Variants in NEDD4L observed in about 807,000 individuals in gnomAD.
The protein encoded by NEDD4L is NEDD4 like E3 ubiquitin protein ligase.
Under a neutral mutation model 148.9 loss-of-function variants are expected in NEDD4L, and 54 were observed. The observed-to-expected ratio is 0.36, with a 90% confidence interval of 0.29 to 0.45. NEDD4L has a LOEUF of 0.45. Among genes scored for constraint, NEDD4L ranks in the 20% least tolerant of loss-of-function variants. NEDD4L has a pLI of 1.00. For missense variants in NEDD4L, 856 were observed against 1,233.8 expected (o/e 0.69, Z 4.59); for synonymous variants, 433 against 440.7 (o/e 0.98, Z 0.22).
At chr18:58,231,011 G>A (rs2045113857) in intron 2 of NEDD4L, among the ~76,000 whole-genome samples, 1 of 152,102 alleles carries the variant, frequency 6.6e-6, no homozygotes, top group Admixed American at 6.5e-5. Flanking sequence ...ACTGTGGGAG[G>A]TGGAGGCAGG....
chr18:58,109,445 C>T (rs1197854528), intron 1 of NEDD4L, among the ~76,000 whole-genome samples: 1 of 152,066 alleles, frequency 6.6e-6, no homozygotes, highest in African/African-American at 2.4e-5. Flanking sequence ...TGGGAGAGGC[C>T]ACATGGCATG....
chr18:58,081,694 T>C (rs1568188548), intron 1 of NEDD4L, among the ~76,000 whole-genome samples: 1 of 152,198 alleles, frequency 6.6e-6, no homozygotes, highest in African/African-American at 2.4e-5. Flanking sequence ...GTTTTGTTTT[T>C]CCACTTTTGT....
At chr18:58,284,563 T>C (rs1322559184) in intron 5 of NEDD4L, among the ~76,000 whole-genome samples, 6 of 126,610 alleles carry the variant, frequency 4.7e-5, no homozygotes, top group African/African-American at 2.0e-4. Flanking sequence ...GGGAGAGTTA[T>C]ACGAATAGAA....
At chr18:58,139,425 T>C (rs1352568866) in intron 1 of NEDD4L, among the ~76,000 whole-genome samples, 4 of 151,992 alleles carry the variant, frequency 2.6e-5, no homozygotes, top group Admixed American at 2.0e-4. Flanking sequence ...ATTGGGCTGA[T>C]ACAATCAAGA....
intron 5 of NEDD4L, among the ~76,000 whole-genome samples, chr18:58,271,292 GA>G (rs900667449): frequency 4.6e-5 from 7 of 150,642 alleles, no homozygotes; most frequent in South Asian, 2.1e-4. Context: ...GAAGAACCCT[GA>G]AAAAAAAATC....
At chr18:58,271,230 GA>G (rs1184476191) in intron 5 of NEDD4L, among the ~76,000 whole-genome samples, 1 of 151,802 alleles carries the variant, frequency 6.6e-6, no homozygotes, top group Non-Finnish European at 1.5e-5. Flanking sequence ...TCTTCATTGG[GA>G]TTATGCCTTT....
At chr18:58,227,634 C>T (rs1401542418) in intron 2 of NEDD4L, among the ~76,000 whole-genome samples, 4 of 152,182 alleles carry the variant, frequency 2.6e-5, no homozygotes, top group African/African-American at 7.2e-5. Flanking sequence ...GGATTAGCCT[C>T]GCGAAGTTCC....
rs763043961 is a variant in NEDD4L at position 58,325,048 on chromosome 18, A to G, written c.566A>G (p.Glu189Gly). Residue 189 changes from glutamate to glycine, a missense_variant, in exon 9 of 31, where the codon GAA becomes GGA. Physicochemically the swap from Glu to Gly is moderately conservative, Grantham distance 98. Around this residue, in one of 4 missense-constraint regions of NEDD4L, gnomAD observed 193 missense variants for 244.2 expected, o/e 0.79. Coordinates refer to ENST00000400345, the MANE Select transcript of NEDD4L (RefSeq NM_001144967.3). The stretch of plus-strand genomic sequence containing the variant: ...GACTCGGCTTCTCAGCACCAAGAGG[A>G]ACTTCCTCCTCCTCCTCTGCCTCCC... The part of the protein sequence containing the change: ...SNDSASQHQE[E>G]LPPPPLPPGW... 1.3e-5 allele frequency: 21 copies of G among 1,613,878 alleles called. No individual in the cohort carries two copies. In the Admixed American group the frequency reaches 2.2e-4, roughly 17 times the overall value.
chr18:58,290,349 G>A (rs546460028), intron 5 of NEDD4L, among the ~76,000 whole-genome samples: 1 of 152,350 alleles, frequency 6.6e-6, no homozygotes, highest in South Asian at 2.1e-4. Context: ...GAACTGGACA[G>A]TCTAAAATAG....
At chr18:58,340,990 G>T in intron 13 of NEDD4L, 48 bp from the exon 14 acceptor site, 1 of 1,568,872 alleles carries the variant, frequency 6.4e-7, no homozygotes, top group South Asian at 1.2e-5. Context: ...AAACTGATCA[G>T]AAAACAAATG....
chr18:58,352,040 T>C (rs1318136790), intron 18 of NEDD4L, among the ~76,000 whole-genome samples: 1 of 152,212 alleles, frequency 6.6e-6, no homozygotes, highest in Non-Finnish European at 1.5e-5. Context: ...GGTTGAGGGC[T>C]TATTATAAAT....
At chr18:58,384,687 C>T (rs552176277) in intron 25 of NEDD4L, among the ~76,000 whole-genome samples, 123 of 152,218 alleles carry the variant, frequency 8.1e-4, no homozygotes, top group Non-Finnish European at 1.2e-3. Context: ...CCTGATACCT[C>T]TGCTCCCCTG....
intron 5 of NEDD4L, among the ~76,000 whole-genome samples, chr18:58,309,895 A>T (rs1601029304): frequency 6.6e-6 from 1 of 152,100 alleles, no homozygotes; most frequent in African/African-American, 2.4e-5. Context: ...CTCTGAGCCC[A>T]CAAAGGAGTG....
In NEDD4L at chr18:58,044,573, G is replaced by T; in HGVS notation, c.-88G>T. ...CGCAGGGTAGGGTGCGGGACCGGGG[G>T]GACCTGGAGGCAGAGGGGAGAACCG... On this transcript the variant is annotated 5_prime_UTR_variant, in exon 1 of 31. Transcript: ENST00000400345. 7.0e-7 allele frequency: 1 copy of T among 1,428,790 alleles called. No individual in the cohort carries two copies. Among genetic ancestry groups the T allele is most frequent in the African/African-American group, 1.5e-5 (1 of 67,776 alleles). The allele number at this position is 1,428,790 out of a possible 1,614,324, so 88.5% of individuals were successfully genotyped here. A position where few individuals can be genotyped will look rare whatever the true frequency, so the allele number is the denominator to read the frequency against.
intron 2 of NEDD4L, among the ~76,000 whole-genome samples, chr18:58,209,953 G>T (rs982242694): frequency 6.6e-6 from 1 of 152,000 alleles, no homozygotes; most frequent in African/African-American, 2.4e-5. Flanking sequence ...GATCACCTGA[G>T]GTCGGGAGTT....
chr18:58,279,058 G>A (rs533752479), intron 5 of NEDD4L, among the ~76,000 whole-genome samples: 2 of 151,702 alleles, frequency 1.3e-5, no homozygotes, highest in African/African-American at 4.8e-5. Context: ...TTTTATTATA[G>A]TAGAGATGGG....
intron 5 of NEDD4L, chr18:58,255,902 A>C: frequency 8.1e-7 from 1 of 1,232,036 alleles, no homozygotes; most frequent in Middle Eastern, 3.1e-4. Context: ...CCCCACGTGC[A>C]GCTCCTCCGT....
At chr18:58,064,817 C>CA (rs2082516405) in intron 1 of NEDD4L, among the ~76,000 whole-genome samples, 2 of 152,178 alleles carry the variant, frequency 1.3e-5, no homozygotes, top group South Asian at 4.1e-4. Flanking sequence ...TCAAAGAAGT[C>CA]ATAGTCTGGC....
At chr18:58,066,946 C>T (rs912862607) in intron 1 of NEDD4L, among the ~76,000 whole-genome samples, 1 of 152,186 alleles carries the variant, frequency 6.6e-6, no homozygotes, top group Non-Finnish European at 1.5e-5. Context: ...ATTGCAATTC[C>T]ACATGAGATT....
Sources: gnomAD v4.1 joint callset for allele counts (sites outside exome capture counted in the v4.1 genomes callset) on GRCh38, gnomAD v4.1.1 for gene constraint, gnomAD v4.1.1 regional missense constraint, MANE v1.5 for transcripts, NCBI Gene and HGNC (gene_info 2026-07-23, HGNC 2026-07-21) for gene names.